Variants in ASCC3 observed in about 807,000 individuals in gnomAD.
ASCC3 encodes ASC-1 complex subunit P200.
ASCC3 carries 158 observed loss-of-function variants against 256.3 expected under a neutral mutation model. The ratio of observed to expected loss-of-function variants is 0.62; its 90% CI spans 0.54 to 0.70. ASCC3 has a LOEUF of 0.70. ASCC3 is among the 30% of genes least tolerant of loss of function. The pLI is 0.00. For missense variants in ASCC3, 2,259 were observed against 2,626.0 expected, an observed-to-expected ratio of 0.86 and a Z score of 3.05; for synonymous variants, 948 against 883.4, an observed-to-expected ratio of 1.07 and a Z score of -1.30.
At chr6:100,615,969 T>C (rs1171072115) in intron 30 of ASCC3, among the ~76,000 whole-genome samples, 1 of 152,200 alleles carries the variant, frequency 6.6e-6, no homozygotes, top group East Asian at 1.9e-4. Context: ...AAATTTATTT[T>C]AGTTCTATAA....
In ASCC3 at chr6:100,661,777, A is replaced by T. The variant is rs1489620599; in HGVS notation, c.2703+29T>A. 5.0e-6 allele frequency: 8 copies of T among 1,600,788 alleles called. No homozygotes were observed. In the African/African-American group the frequency reaches 1.1e-4, roughly 21 times the overall value. ...GGTCATTCTTAAGGCTGATGATTCTATTCCAAACTTTTACTCATTAGATCT... is the reference window on the plus strand; with the variant it reads ...GGTCATTCTTAAGGCTGATGATTCTTTTCCAAACTTTTACTCATTAGATCT... On this transcript the variant is annotated intron_variant, in intron 16 of 41. Transcript: ENST00000369162.
At chr6:100,635,225 T>C (rs1199123959) in intron 25 of ASCC3, among the ~76,000 whole-genome samples, 1 of 151,344 alleles carries the variant, frequency 6.6e-6, no homozygotes, top group Non-Finnish European at 1.5e-5. Context: ...GATATATATG[T>C]ACACACACAC....
At chr6:100,609,321 C>G (rs1005674410) in intron 30 of ASCC3, among the ~76,000 whole-genome samples, 1 of 151,410 alleles carries the variant, frequency 6.6e-6, no homozygotes, top group African/African-American at 2.4e-5. Flanking sequence ...AATAATTAAC[C>G]AATTATTCTA....
chr6:100,585,326 A>C (rs527951431), intron 36 of ASCC3, among the ~76,000 whole-genome samples: 145 of 152,020 alleles, frequency 9.5e-4, no homozygotes, highest in African/African-American at 3.1e-3. Flanking sequence ...TCATTTCATT[A>C]ATTTCATCTT....
At chr6:100,748,578 G>A (rs1464752653) in intron 10 of ASCC3, among the ~76,000 whole-genome samples, 1 of 152,002 alleles carries the variant, frequency 6.6e-6, no homozygotes, top group Non-Finnish European at 1.5e-5. Flanking sequence ...TGGAGTTGGA[G>A]TTCTGGGCCT....
intron 3 of ASCC3, among the ~76,000 whole-genome samples, chr6:100,861,932 G>A (rs1773244584): frequency 6.6e-6 from 1 of 151,974 alleles, no homozygotes; most frequent in Admixed American, 6.6e-5. Flanking sequence ...TTTATGTAAA[G>A]AAATAAACTT....
chr6:100,578,925 C>A (rs1216003662), intron 36 of ASCC3, among the ~76,000 whole-genome samples: 1 of 152,104 alleles, frequency 6.6e-6, no homozygotes, highest in East Asian at 1.9e-4. Flanking sequence ...TCCACAACGA[C>A]TGATTTACAT....
chr6:100,668,673 A>C (rs369618788), intron 14 of ASCC3, among the ~76,000 whole-genome samples: 2 of 152,116 alleles, frequency 1.3e-5, no homozygotes, highest in African/African-American at 4.8e-5. Flanking sequence ...ATAGTAAAGA[A>C]CTTTAGAAAA....
chr6:100,765,493 TAACTC>T (rs1471915920), intron 10 of ASCC3, among the ~76,000 whole-genome samples: 1 of 152,210 alleles, frequency 6.6e-6, no homozygotes, highest in Non-Finnish European at 1.5e-5. Flanking sequence ...CTTTAGATAA[TAACTC>T]AACCAACCGC....
intron 26 of ASCC3, among the ~76,000 whole-genome samples, chr6:100,629,691 T>C (rs1774431478): frequency 6.6e-6 from 1 of 152,132 alleles, no homozygotes; most frequent in Non-Finnish European, 1.5e-5. Flanking sequence ...ATAGATTTTA[T>C]AGCCAAAATG....
intron 4 of ASCC3, among the ~76,000 whole-genome samples, chr6:100,834,186 T>C (rs531779758): frequency 1.3e-5 from 2 of 152,364 alleles, no homozygotes; most frequent in South Asian, 2.1e-4. Flanking sequence ...TTGTTTTCTA[T>C]GAGATTTGTC....
intron 5 of ASCC3, among the ~76,000 whole-genome samples, chr6:100,801,310 T>C (rs1769905473): frequency 6.6e-6 from 1 of 152,112 alleles, no homozygotes; most frequent in Non-Finnish European, 1.5e-5. Flanking sequence ...ATTTACTGTA[T>C]TGAGGTCCTA....
At chr6:100,571,909 C>T (rs1770610797) in intron 36 of ASCC3, among the ~76,000 whole-genome samples, 1 of 152,170 alleles carries the variant, frequency 6.6e-6, no homozygotes, top group Non-Finnish European at 1.5e-5. Flanking sequence ...CACCCACAGG[C>T]AGAAACTCTT....
intron 40 of ASCC3, among the ~76,000 whole-genome samples, chr6:100,510,718 T>C (rs1773717679): frequency 6.6e-6 from 1 of 152,208 alleles, no homozygotes; most frequent in Non-Finnish European, 1.5e-5. Context: ...ATTTGTAAAA[T>C]ATATTAATCA....
At chr6:100,817,235 A>C (rs1770796527) in intron 4 of ASCC3, among the ~76,000 whole-genome samples, 1 of 152,032 alleles carries the variant, frequency 6.6e-6, no homozygotes. Context: ...GAGATGAATG[A>C]AAATAAAGAT....
chr6:100,655,726 T>C lies in ASCC3; in HGVS notation c.2796A>G (p.Ala932=), dbSNP rs763803147. ...GATAAGCCTTGTGACTGATGCCATA[T>C]GCTAATGGATTTGCTCTCATCCGTA... ...LYVRMRANPL[A]YGISHKAYQI... is the part of the protein sequence containing the mutation. The change falls in exon 17 of 42, where the codon GCA becomes GCG. Residue 932 remains alanine, a synonymous_variant. Coordinates refer to ENST00000369162, the MANE Select transcript of ASCC3 (RefSeq NM_006828.4). The C allele has an allele frequency of 2.5e-6, 4 of 1,611,572 alleles. No homozygotes were observed. Among genetic ancestry groups the C allele is most frequent in the South Asian group, 1.1e-5 (1 of 91,050 alleles).
intron 1 of ASCC3, among the ~76,000 whole-genome samples, chr6:100,870,363 CA>C (rs11358403): frequency 0.7 from 99,430 of 141,056 alleles, 34,304 homozygotes; most frequent in East Asian, 0.75. Flanking sequence ...GAGTCCGTCT[CA>C]AAAAAAAAAA....
intron 13 of ASCC3, among the ~76,000 whole-genome samples, chr6:100,693,722 T>C (rs535074739): frequency 6.6e-5 from 10 of 152,194 alleles, no homozygotes; most frequent in Non-Finnish European, 8.8e-5. Context: ...GAAATATGTC[T>C]ACTAAGTGTC....
chr6:100,655,489 A>G (rs921060723), intron 17 of ASCC3, among the ~76,000 whole-genome samples: 3 of 152,000 alleles, frequency 2.0e-5, no homozygotes, highest in East Asian at 3.9e-4. Context: ...AAAGATTAAC[A>G]TAAGTATTTG....
Sources: gnomAD v4.1 joint callset for allele counts (sites outside exome capture counted in the v4.1 genomes callset) on GRCh38, gnomAD v4.1.1 for gene constraint, MANE v1.5 for transcripts, NCBI Gene and HGNC (gene_info 2026-07-23, HGNC 2026-07-21) for gene names.